PCDHA3: variants seen among roughly 807,000 people sequenced by gnomAD.
PCDHA3 encodes the protein protocadherin alpha-3.
In PCDHA3, 41 loss-of-function variants were observed where a neutral mutation model predicts 62.2. The ratio of observed to expected loss-of-function variants is 0.66; its 90% CI spans 0.51 to 0.86. The LOEUF is 0.86. Among genes scored for constraint, PCDHA3 ranks in the 40% least tolerant of loss-of-function variants. The pLI, the probability that PCDHA3 is intolerant of heterozygous loss-of-function variation, is 0.00. For missense variants in PCDHA3, 1,304 were observed against 1,241.2 expected, an observed-to-expected ratio of 1.05 and a Z score of -0.76; for synonymous variants, 640 against 555.4, an observed-to-expected ratio of 1.15 and a Z score of -2.14.
At chr5:140,941,210 TCTTC>T (rs1480454721) in intron 1 of PCDHA3, among the ~76,000 whole-genome samples, 2,917 of 100,514 alleles carry the variant, frequency 0.029, 68 homozygotes, top group South Asian at 0.045. Flanking sequence ...TTCCTTTCTT[TCTTC>T]CTTTCTTTCT....
chr5:140,992,258 A>G (rs1316409303), intron 3 of PCDHA3, among the ~76,000 whole-genome samples: 1 of 152,168 alleles, frequency 6.6e-6, no homozygotes, highest in African/African-American at 2.4e-5. Flanking sequence ...GCTAAAGATG[A>G]AAGTTCTTTT....
chr5:140,814,578 T>C (rs1554126555), intron 1 of PCDHA3: 1 of 152,168 alleles, frequency 6.6e-6, no homozygotes, highest in African/African-American at 2.4e-5. Flanking sequence ...GTACTGTAAA[T>C]TACTGTACAT....
chr5:140,824,958 T>C (rs2150072041), intron 1 of PCDHA3: 1 of 152,280 alleles, frequency 6.6e-6, no homozygotes, highest in African/African-American at 2.4e-5. Context: ...AATTATATTT[T>C]TCATTTTATT....
intron 1 of PCDHA3, chr5:140,862,465 G>A (rs1462351326): frequency 8.1e-6 from 3 of 371,280 alleles, no homozygotes; most frequent in Non-Finnish European, 1.6e-5. Flanking sequence ...GACCAAGAGA[G>A]CAAATCTATC....
intron 1 of PCDHA3, among the ~76,000 whole-genome samples, chr5:140,891,754 T>C (rs1221942340): frequency 6.6e-6 from 1 of 152,174 alleles, no homozygotes; most frequent in Non-Finnish European, 1.5e-5. Flanking sequence ...ACAACAGTGT[T>C]GGGAGGTGGG....
At chr5:141,005,114 G>A (rs2098198000) in intron 3 of PCDHA3, among the ~76,000 whole-genome samples, 2 of 152,042 alleles carry the variant, frequency 1.3e-5, no homozygotes, top group African/African-American at 2.4e-5. Flanking sequence ...TTGTCTTTAG[G>A]GACCCCAAAA....
intron 1 of PCDHA3, chr5:140,927,033 G>A (rs2083768533): frequency 1.2e-6 from 2 of 1,612,344 alleles, no homozygotes; most frequent in Non-Finnish European, 1.7e-6. Flanking sequence ...GGCTGCCAGC[G>A]GCCGCTATGT....
chr5:140,953,443 A>G (rs1434216967), intron 1 of PCDHA3, among the ~76,000 whole-genome samples: 1 of 152,078 alleles, frequency 6.6e-6, no homozygotes, highest in Non-Finnish European at 1.5e-5. Flanking sequence ...TGGAGAAACT[A>G]GGGATTATCT....
intron 1 of PCDHA3, chr5:140,870,430 G>A: frequency 6.2e-7 from 1 of 1,614,226 alleles, no homozygotes; most frequent in Non-Finnish European, 8.5e-7. Context: ...GGTATCCGTG[G>A]AGGTGGCCGA....
At chr5:140,966,447 C>T (rs373859357) in intron 1 of PCDHA3, 40 of 425,326 alleles carry the variant, frequency 9.4e-5, no homozygotes, top group Middle Eastern at 5.8e-4. Context: ...CTCCCTTTCC[C>T]CCTCCCCCTC....
At chr5:140,828,112 T>A (rs2150151121) in intron 1 of PCDHA3, 6 of 1,611,926 alleles carry the variant, frequency 3.7e-6, no homozygotes, top group Non-Finnish European at 5.1e-6. Context: ...CCCCGGAGGA[T>A]AGATTGGGAA....
In PCDHA3 at chr5:140,900,301, C is replaced by CAG. The variant is rs1168626144; in HGVS notation, c.2395-78647_2395-78646dup. Among the ~76,000 whole-genome samples the CAG allele has an allele frequency of 1.4e-4, 22 of 152,156 alleles. No homozygotes were observed. The East Asian group carries it at 4.1e-3, about 28-fold the overall frequency. On this transcript the variant is annotated intron_variant, in intron 1 of 3. Coordinates refer to ENST00000522353, the MANE Select transcript of PCDHA3 (RefSeq NM_018906.3). ...ACACTTTCTTTTCTGTTTTTTTAGACAGTCTCACTTTTGTCGCCCAGGCTG... is the reference window on the plus strand; with the variant it reads ...ACACTTTCTTTTCTGTTTTTTTAGACAGAGTCTCACTTTTGTCGCCCAGGCTG...
At chr5:140,875,568 C>G in intron 1 of PCDHA3, 2 of 1,614,114 alleles carry the variant, frequency 1.2e-6, no homozygotes, top group Non-Finnish European at 1.7e-6. Context: ...GCCAGCTCCA[C>G]TACTCCGTCT....
At chr5:140,966,232 C>A (rs1353392797) in intron 1 of PCDHA3, 14 of 285,432 alleles carry the variant, frequency 4.9e-5, no homozygotes, top group African/African-American at 2.4e-4. Flanking sequence ...TCCTTAAAGA[C>A]CCGTTAAGCA....
At chr5:140,857,178 A>T (rs782349051) in intron 1 of PCDHA3, 2 of 1,598,472 alleles carry the variant, frequency 1.3e-6, no homozygotes, top group African/African-American at 2.7e-5. Flanking sequence ...TCTGACCATG[A>T]TTCAGGAGCC....
chr5:140,954,615 C>A (rs782262504), intron 1 of PCDHA3, among the ~76,000 whole-genome samples: 16 of 151,806 alleles, frequency 1.1e-4, no homozygotes, highest in Non-Finnish European at 1.6e-4. Context: ...TTTTAATGGG[C>A]TTGTTTGGGT....
intron 1 of PCDHA3, among the ~76,000 whole-genome samples, chr5:140,936,010 A>G (rs1470244912): frequency 6.6e-6 from 1 of 150,776 alleles, no homozygotes; most frequent in Non-Finnish European, 1.5e-5. Context: ...CTCCCACCTC[A>G]GCCTCCCGAG....
chr5:140,873,431 A>G (rs1395359965), intron 1 of PCDHA3, among the ~76,000 whole-genome samples: 1 of 152,228 alleles, frequency 6.6e-6, no homozygotes, highest in African/African-American at 2.4e-5. Context: ...ATTATTTTAT[A>G]TCACATAAAT....
At chr5:140,975,750 CTA>C (rs2096680444) in intron 1 of PCDHA3, among the ~76,000 whole-genome samples, 2 of 152,118 alleles carry the variant, frequency 1.3e-5, no homozygotes, top group African/African-American at 4.8e-5. Flanking sequence ...CTCAAATATT[CTA>C]TGTCATAAAT....
Sources: gnomAD v4.1 joint callset for allele counts (sites outside exome capture counted in the v4.1 genomes callset) on GRCh38, gnomAD v4.1.1 for gene constraint, MANE v1.5 for transcripts, NCBI Gene and HGNC (gene_info 2026-07-23, HGNC 2026-07-21) for gene names.